SDK1: variants seen among roughly 807,000 people sequenced by gnomAD.
The protein encoded by SDK1 is protein sidekick-1.
SDK1 carries 157 observed loss-of-function variants against 245.5 expected under a neutral mutation model. That is an observed-to-expected ratio of 0.64 (90% confidence interval 0.56 to 0.73). SDK1 has a LOEUF of 0.73. Among genes scored for constraint, SDK1 ranks in the 30% least tolerant of loss-of-function variants. The probability of loss-of-function intolerance (pLI) is 0.00; values close to 1 mark genes in which losing one functional copy is unlikely to be tolerated. For synonymous variants in SDK1, 1,647 were observed against 1,278.5 expected (o/e 1.29, Z -6.15); for missense variants, 3,583 against 3,002.3 (o/e 1.19, Z -4.52).
At chr7:3,691,697 C>T (rs58759613) in intron 4 of SDK1, among the ~76,000 whole-genome samples, 40,361 of 152,098 alleles carry the variant, frequency 0.27, 8,860 homozygotes, top group African/African-American at 0.59. Context: ...AAACACACAC[C>T]CCTTGCTGGA....
intron 30 of SDK1, 97 bp from the exon 31 acceptor site, chr7:4,158,351 G>A (rs2128211293): frequency 1.1e-6 from 1 of 934,442 alleles, no homozygotes; most frequent in Non-Finnish European, 1.7e-6. Context: ...CAGGGCAGGG[G>A]AGGGATTTGC....
chr7:4,073,980 T>C (rs1780449114), intron 20 of SDK1, among the ~76,000 whole-genome samples: 1 of 151,338 alleles, frequency 6.6e-6, no homozygotes, highest in Non-Finnish European at 1.5e-5. Flanking sequence ...GCGGGGGAGG[T>C]CACAGTCTTC....
chr7:3,391,154 T>C (rs964022156), intron 1 of SDK1, among the ~76,000 whole-genome samples: 2 of 152,256 alleles, frequency 1.3e-5, no homozygotes, highest in Non-Finnish European at 2.9e-5. Context: ...GGGACAAAAA[T>C]GGACTAGAAG....
intron 1 of SDK1, among the ~76,000 whole-genome samples, chr7:3,358,990 G>GT (rs1229874789): frequency 2.6e-5 from 4 of 152,108 alleles, no homozygotes; most frequent in African/African-American, 9.7e-5. Flanking sequence ...TTTTTAGTCT[G>GT]TTTTTCTAAG....
intron 5 of SDK1, among the ~76,000 whole-genome samples, chr7:3,880,910 G>A (rs1781194282): frequency 6.6e-6 from 1 of 152,052 alleles, no homozygotes; most frequent in Non-Finnish European, 1.5e-5. Flanking sequence ...GGCGAGGAAG[G>A]CGTCGAGTTC....
At chr7:4,016,325 G>A (rs1333375902) in intron 16 of SDK1, among the ~76,000 whole-genome samples, 2 of 152,250 alleles carry the variant, frequency 1.3e-5, no homozygotes, top group Non-Finnish European at 2.9e-5. Flanking sequence ...GGATGACAGG[G>A]CAGTCACTCC....
intron 4 of SDK1, among the ~76,000 whole-genome samples, chr7:3,661,463 C>T (rs189923212): frequency 1.8e-4 from 27 of 152,240 alleles, no homozygotes; most frequent in Non-Finnish European, 3.7e-4. Context: ...TGTAGTACCC[C>T]GCCTTCATCT....
intron 1 of SDK1, among the ~76,000 whole-genome samples, chr7:3,569,582 T>C (rs572686930): frequency 2.6e-5 from 4 of 152,368 alleles, no homozygotes; most frequent in South Asian, 2.1e-4. Context: ...CGGTTCATCA[T>C]TGGTGTCTGC....
chr7:3,581,454 C>G (rs1171751346), intron 1 of SDK1, among the ~76,000 whole-genome samples: 2 of 152,198 alleles, frequency 1.3e-5, no homozygotes, highest in African/African-American at 4.8e-5. Context: ...GAGATGCCAT[C>G]TCACATTAGT....
rs144213433 is a variant in SDK1 at position 4,110,100 on chromosome 7, C to T, written c.3325-563C>T. Among the ~76,000 whole-genome samples, 773 of 152,224 alleles carry T rather than the reference C, an allele frequency of 5.1e-3. 7 individuals carry two copies. Among genetic ancestry groups the T allele is most frequent in the African/African-American group, 0.017 (689 of 41,550 alleles). On this transcript the variant is annotated intron_variant, in intron 22 of 44. Transcript: ENST00000404826. ...TAAATCTTAAGGGGACTGGGCCTGC[C>T]GATCTGGCTTCCAGGGCAGAAGACT... is the stretch of plus-strand genomic sequence containing the variant.
intron 1 of SDK1, among the ~76,000 whole-genome samples, chr7:3,504,180 A>G (rs113575213): frequency 0.014 from 1,273 of 89,430 alleles, 15 homozygotes; most frequent in African/African-American, 0.039. Flanking sequence ...ATATATATAT[A>G]TATGTGTGTG....
At chr7:3,438,848 T>TG (rs1383870331) in intron 1 of SDK1, among the ~76,000 whole-genome samples, 1,193 of 108,698 alleles carry the variant, frequency 0.011, 32 homozygotes, top group African/African-American at 0.042. Context: ...TTTGTATTAA[T>TG]ATTTTTTTTT....
rs113931519 is a variant in SDK1, at chr7:3,757,337, G to A, written c.714-64113G>A. Among the ~76,000 whole-genome samples, 6 of 152,100 alleles carry A rather than the reference G, an allele frequency of 3.9e-5. No individual in the cohort carries two copies. In the South Asian group the frequency reaches 6.2e-4, roughly 16 times the overall value. ...TGTCACTCAACTCCTGGTCTCAAGC[G>A]ATCCTCCCTTGTCAGCCTCCTGAGT... On this transcript the variant is annotated intron_variant, in intron 4 of 44. Transcript: ENST00000404826.
intron 1 of SDK1, among the ~76,000 whole-genome samples, chr7:3,535,316 CTTTG>C (rs1328783775): frequency 2.0e-5 from 3 of 152,058 alleles, no homozygotes; most frequent in Non-Finnish European, 4.4e-5. Flanking sequence ...TAAAGAGTCC[CTTTG>C]TTTATCTGTT....
At chr7:3,950,265 C>G (rs2128124882) in intron 5 of SDK1, among the ~76,000 whole-genome samples, 1 of 152,282 alleles carries the variant, frequency 6.6e-6, no homozygotes, top group Non-Finnish European at 1.5e-5. Flanking sequence ...TGACCCTGCC[C>G]CAGGGCTTCT....
At chr7:4,130,202 A>G in intron 27 of SDK1, 105 bp downstream of exon 27, 1 of 1,278,978 alleles carries the variant, frequency 7.8e-7, no homozygotes, top group Non-Finnish European at 1.1e-6. Context: ...TTTTCAAACC[A>G]CTTTCTTTTG....
At chr7:3,479,893 A>G (rs1183147302) in intron 1 of SDK1, among the ~76,000 whole-genome samples, 1 of 152,078 alleles carries the variant, frequency 6.6e-6, no homozygotes, top group African/African-American at 2.4e-5. Context: ...TTTTCATTAA[A>G]TGAGAGACCT....
intron 1 of SDK1, among the ~76,000 whole-genome samples, chr7:3,442,133 T>C (rs570125227): frequency 1.3e-5 from 2 of 152,306 alleles, no homozygotes; most frequent in East Asian, 1.9e-4. Context: ...AATATCCACA[T>C]TCTCCAAAAA....
chr7:3,314,123 C>T (rs1255465474), intron 1 of SDK1, among the ~76,000 whole-genome samples: 1 of 152,100 alleles, frequency 6.6e-6, no homozygotes, highest in Non-Finnish European at 1.5e-5. Flanking sequence ...ACAGGGGATT[C>T]AGCATCTGGT....
Sources: allele counts gnomAD v4.1 joint callset (sites outside exome capture counted in the v4.1 genomes callset), GRCh38; gene constraint gnomAD v4.1.1; transcripts MANE v1.5; gene names NCBI Gene and HGNC (gene_info 2026-07-23, HGNC 2026-07-21).